TRIO: variants seen among roughly 807,000 people sequenced by gnomAD.
The protein encoded by TRIO is trio Rho guanine nucleotide exchange factor, also known as triple functional domain protein.
A neutral mutation model predicts 351.9 loss-of-function variants in TRIO; 58 were observed. That is an observed-to-expected ratio of 0.16 (90% CI 0.13 to 0.21). TRIO has a LOEUF of 0.21. Ranked by LOEUF, TRIO falls within the 10% of genes least tolerant of loss-of-function variation. TRIO has a pLI of 1.00. For missense variants in TRIO, 3,201 were observed against 4,027.8 expected (o/e 0.79, Z 5.56); for synonymous variants, 1,758 against 1,595.7 (o/e 1.10, Z -2.42).
chr5:14,148,936 C>T (rs762427557), intron 1 of TRIO, among the ~76,000 whole-genome samples: 8 of 152,334 alleles, frequency 5.3e-5, no homozygotes, highest in South Asian at 2.1e-4. Context: ...GGGTTCTCTT[C>T]GTCCTATTCC....
At chr5:14,330,515 T>C (rs1246954761) in intron 9 of TRIO, among the ~76,000 whole-genome samples, 3 of 152,378 alleles carry the variant, frequency 2.0e-5, no homozygotes, top group Non-Finnish European at 2.9e-5. Flanking sequence ...CATTATTGCA[T>C]GCAATGTTTA....
chr5:14,268,090 C>G (rs1356082689), intron 1 of TRIO, among the ~76,000 whole-genome samples: 1 of 152,126 alleles, frequency 6.6e-6, no homozygotes, highest in African/African-American at 2.4e-5. Context: ...CTGAGTCTTC[C>G]TTAATTTGGG....
intron 40 of TRIO, 102 bp downstream of exon 40, chr5:14,474,199 C>T (rs1230704731): frequency 4.1e-5 from 46 of 1,113,082 alleles, no homozygotes; most frequent in Non-Finnish European, 4.7e-5. Context: ...ATCGTATTAC[C>T]TGTGTAGCCT....
intron 48 of TRIO, 176 bp downstream of exon 48, chr5:14,488,436 T>A: frequency 2.3e-6 from 2 of 866,594 alleles, no homozygotes; most frequent in Non-Finnish European, 3.4e-6. Context: ...CGCTACTAAC[T>A]ACTCCTTGCT....
chr5:14,171,908 A>C (rs1039963117), intron 1 of TRIO, among the ~76,000 whole-genome samples: 2 of 152,162 alleles, frequency 1.3e-5, no homozygotes, highest in Admixed American at 1.3e-4. Context: ...TTATGTATAC[A>C]CACTCTTTTC....
intron 7 of TRIO, among the ~76,000 whole-genome samples, chr5:14,301,280 G>A (rs1424261035): frequency 6.6e-6 from 1 of 151,818 alleles, no homozygotes; most frequent in East Asian, 1.9e-4. Flanking sequence ...TTCTTAATAC[G>A]ACCATTCTGC....
chr5:14,447,327 A>G (rs1752511887), intron 34 of TRIO, among the ~76,000 whole-genome samples: 1 of 152,198 alleles, frequency 6.6e-6, no homozygotes, highest in Admixed American at 6.5e-5. Flanking sequence ...TAAAATTAGT[A>G]TGTTGTCATG....
intron 19 of TRIO, among the ~76,000 whole-genome samples, chr5:14,375,469 T>G (rs1745474728): frequency 6.6e-6 from 1 of 152,238 alleles, no homozygotes; most frequent in Non-Finnish European, 1.5e-5. Context: ...TAGATCTTCA[T>G]TATGCCTTTG....
intron 34 of TRIO, among the ~76,000 whole-genome samples, chr5:14,459,713 G>A (rs1753626369): frequency 6.6e-6 from 1 of 152,144 alleles, no homozygotes; most frequent in Admixed American, 6.5e-5. Flanking sequence ...ACTCCAGCCT[G>A]GGTGACAGAG....
chr5:14,374,806 A>G (rs1745413856), intron 19 of TRIO, among the ~76,000 whole-genome samples: 1 of 152,144 alleles, frequency 6.6e-6, no homozygotes, highest in Non-Finnish European at 1.5e-5. Flanking sequence ...AATAATATAT[A>G]GGTTATATCA....
chr5:14,498,165 CTG>C lies in TRIO; in HGVS notation c.8127_8128del (p.Cys2709TrpfsTer13). ...GETVVLRCRV[C>X]GRPKASITWK... ...AGACCGTTGTTCTTAGATGTCGAGT[CTG>C]TGGCCGCCCCAAAGCCTCAATTACC... is the stretch of plus-strand genomic sequence containing the variant. On this transcript the variant is annotated frameshift_variant, in exon 52 of 57. Coordinates refer to ENST00000344204, the MANE Select transcript of TRIO (RefSeq NM_007118.4). LOFTEE classifies it high-confidence loss of function. 6.2e-7 allele frequency: 1 copy of C among 1,614,200 alleles called. No individual in the cohort carries two copies. The highest frequency in any genetic ancestry group is 8.5e-7 in the Non-Finnish European group (1 of 1,180,038).
At chr5:14,201,434 C>T (rs752841850) in intron 1 of TRIO, among the ~76,000 whole-genome samples, 31 of 152,002 alleles carry the variant, frequency 2.0e-4, no homozygotes, top group Non-Finnish European at 3.4e-4. Flanking sequence ...GTAGGAATTC[C>T]AACACTAGTT....
intron 23 of TRIO, 21 bp downstream of exon 23, chr5:14,387,868 C>A: frequency 6.2e-7 from 1 of 1,609,586 alleles, no homozygotes; most frequent in Non-Finnish European, 8.5e-7. Context: ...CTTTCAGAAT[C>A]TACCAGGATT....
chr5:14,329,398 G>T (rs921312996), intron 9 of TRIO, among the ~76,000 whole-genome samples: 1 of 152,220 alleles, frequency 6.6e-6, no homozygotes, highest in African/African-American at 2.4e-5. Context: ...TAGCATTAGT[G>T]CCCTTATAAA....
At chr5:14,198,128 C>G (rs1216579551) in intron 1 of TRIO, among the ~76,000 whole-genome samples, 4 of 152,192 alleles carry the variant, frequency 2.6e-5, no homozygotes, top group Non-Finnish European at 4.4e-5. Flanking sequence ...AGAAAAGTCA[C>G]TACAGTCCTA....
intron 1 of TRIO, among the ~76,000 whole-genome samples, chr5:14,237,067 A>G (rs1793815859): frequency 6.6e-6 from 1 of 152,176 alleles, no homozygotes; most frequent in African/African-American, 2.4e-5. Context: ...TCTCCCCTTT[A>G]AAGGAAGCAG....
intron 1 of TRIO, among the ~76,000 whole-genome samples, chr5:14,266,635 A>G (rs1422189883): frequency 2.0e-5 from 3 of 152,210 alleles, no homozygotes. Context: ...AGTTATTTTA[A>G]AATGAGTATG....
chr5:14,291,785 T>C (rs1736929104), intron 5 of TRIO, among the ~76,000 whole-genome samples: 1 of 57,866 alleles, frequency 1.7e-5, no homozygotes, highest in Non-Finnish European at 3.5e-5. Context: ...TGAGACTCCG[T>C]CTTAAAAAAA....
Position 14,378,118 on chromosome 5 carries a change from T to C in TRIO, c.3438T>C (p.Ser1146=). ...AGCAGTACGTGGTCTTTGAGAGGAG[T>C]GCCAAGCAGGTCAGTGCACACCTGG... ...QCQQYVVFER[S]AKQALEWIHD... The change falls in exon 20 of 57, where the codon AGT becomes AGC. Residue 1146 remains serine (S), a synonymous_variant. Coordinates refer to ENST00000344204, the MANE Select transcript of TRIO (RefSeq NM_007118.4). The C allele has an allele frequency of 1.2e-6, 2 of 1,610,244 alleles. No individual in the cohort carries two copies. Among genetic ancestry groups the C allele is most frequent in the Non-Finnish European group, 1.7e-6 (2 of 1,178,504 alleles).
Sources: gnomAD v4.1 joint callset for allele counts (sites outside exome capture counted in the v4.1 genomes callset) on GRCh38, gnomAD v4.1.1 for gene constraint, MANE v1.5 for transcripts, NCBI Gene and HGNC (gene_info 2026-07-23, HGNC 2026-07-21) for gene names.